Variants in KIF7 observed in about 807,000 individuals in gnomAD.
KIF7 encodes kinesin-like protein KIF7.
KIF7 carries 104 observed loss-of-function variants against 135.7 expected under a neutral mutation model. The ratio of observed to expected loss-of-function variants is 0.77; its 90% CI spans 0.65 to 0.90. The LOEUF (loss-of-function observed/expected upper bound fraction) is 0.90, where lower values mean the gene tolerates loss of function less well. Among genes scored for constraint, KIF7 ranks in the 40% least tolerant of loss-of-function variants. The pLI, the probability that KIF7 is intolerant of heterozygous loss-of-function variation, is 0.00. For synonymous variants in KIF7, 883 were observed against 809.4 expected, an observed-to-expected ratio of 1.09 and a Z score of -1.54; for missense variants, 2,005 against 1,839.1, an observed-to-expected ratio of 1.09 and a Z score of -1.65.
At chr15:89,625,263 C>T (rs952304089), downstream of KIF7, 3 of 1,613,328 alleles carry the variant, frequency 1.9e-6, no homozygotes, top group South Asian at 1.1e-5. Flanking sequence ...CCCCCACCCA[C>T]GGCCCTTCTA....
intron 16 of KIF7, 33 bp downstream of exon 16, chr15:89,630,254 G>C: frequency 6.2e-7 from 1 of 1,603,652 alleles, no homozygotes; most frequent in Non-Finnish European, 8.5e-7. Context: ...TGCCGCTGAG[G>C]AGGAGCTGGG....
chr15:89,653,140 T>C (rs564349008), intron 1 of KIF7, among the ~76,000 whole-genome samples, 186 bp from the exon 2 acceptor site: 6 of 152,308 alleles, frequency 3.9e-5, no homozygotes, highest in South Asian at 2.1e-4. Context: ...ATGATATATA[T>C]AGTCCCCCAC....
chr15:89,632,435 A>G (rs1464970023), intron 14 of KIF7, among the ~76,000 whole-genome samples: 1 of 152,190 alleles, frequency 6.6e-6, no homozygotes, highest in Non-Finnish European at 1.5e-5. Flanking sequence ...CTTCCTGCAC[A>G]GGCCCTGAGG....
In KIF7 at chr15:89,628,686, A is replaced by G. The variant is rs1596063995; in HGVS notation, c.3765T>C (p.Thr1255=). The part of the protein sequence containing the change: ...APELLWLSPL[T]EGAPRTREET... ...CCTCCCGGGTGCGGGGGGCCCCCTC[A>G]GTGAGGGGGGACAGCCAGAGAAGCT... The change falls in exon 19 of 19, where the codon ACT becomes ACC. Residue 1255 remains threonine, a synonymous_variant. Transcript: ENST00000394412. 6.2e-7 allele frequency: 1 copy of G among 1,612,742 alleles called. No individual in the cohort carries two copies. Among genetic ancestry groups the G allele is most frequent in the South Asian group, 1.1e-5 (1 of 91,086 alleles).
At chr15:89,631,099 A>T (rs972111958) in intron 15 of KIF7, 1 of 247,930 alleles carries the variant, frequency 4.0e-6, no homozygotes, top group Non-Finnish European at 7.9e-6. Context: ...AATGTCACAC[A>T]GCACATGACT....
downstream of KIF7, chr15:89,625,806 C>T (rs760747262): frequency 2.5e-6 from 4 of 1,581,628 alleles, no homozygotes; most frequent in East Asian, 9.0e-5. Flanking sequence ...TTTTTGAAAC[C>T]CAGTTTCCTC....
At chr15:89,635,654 C>A (rs1290768467) in intron 11 of KIF7, among the ~76,000 whole-genome samples, 1 of 152,114 alleles carries the variant, frequency 6.6e-6, no homozygotes. Flanking sequence ...ATGAGCAAAG[C>A]CTCCAAGAAA....
intron 11 of KIF7, among the ~76,000 whole-genome samples, chr15:89,641,357 CTA>C (rs1167845845): frequency 6.6e-6 from 1 of 152,164 alleles, no homozygotes; most frequent in Admixed American, 6.5e-5. Flanking sequence ...CTGGGAGAAA[CTA>C]AACTTCTGCT....
downstream of KIF7, chr15:89,624,400 C>G: frequency 6.2e-7 from 1 of 1,614,226 alleles, no homozygotes; most frequent in Non-Finnish European, 8.5e-7. Flanking sequence ...TCCCCCTGAA[C>G]TCTCACAGAG....
chr15:89,618,128 T>C (rs1444681208), exon 2 of KIF7: 2 of 1,610,332 alleles, frequency 1.2e-6, no homozygotes, highest in Admixed American at 1.7e-5. Flanking sequence ...TATGGAGTAA[T>C]CCTTGTGCAT....
At chr15:89,646,098 A>C (rs929909568) in intron 7 of KIF7, 72 bp from the exon 8 acceptor site, 22 of 1,577,228 alleles carry the variant, frequency 1.4e-5, no homozygotes, top group Non-Finnish European at 1.8e-5. Context: ...TGCCCTCCTC[A>C]TATCTCTCCC....
In KIF7 at chr15:89,633,874, C is replaced by T; in HGVS notation, c.2404G>A (p.Glu802Lys). The T allele has an allele frequency of 6.2e-7, 1 of 1,613,798 alleles. No homozygotes were observed. The highest frequency in any genetic ancestry group is 2.2e-5 in the East Asian group (1 of 44,874). Reference protein sequence around the residue: ...AAQSQVQVLKEKKQATERLVS... With the variant: ...AAQSQVQVLKKKKQATERLVS... Reference sequence around the variant, plus strand: ...AGCCGCTCCGTAGCCTGCTTCTTCTCCTTCAGCACCTGGGACCCACACAGT... The same window carrying T: ...AGCCGCTCCGTAGCCTGCTTCTTCTTCTTCAGCACCTGGGACCCACACAGT... The change falls in exon 12 of 19, where the codon GAG becomes AAG. Residue 802 changes from glutamate to lysine, a missense_variant. Glu to Lys is a moderately conservative substitution (Grantham distance 56). Transcript: ENST00000394412.
chr15:89,627,112 A>G (rs1963544669), downstream of KIF7: 2 of 1,613,184 alleles, frequency 1.2e-6, no homozygotes, highest in Non-Finnish European at 1.7e-6. Context: ...AGCCCAAAAG[A>G]TCAAGGAGTC....
In KIF7 at chr15:89,628,691, G is replaced by A. The variant is rs528407611; in HGVS notation, c.3760C>T (p.Leu1254Phe). The change falls in exon 19 of 19, where the codon CTC (leucine) becomes TTC (phenylalanine). Residue 1254 changes from leucine (L) to phenylalanine (F), a missense_variant. Leu to Phe is a conservative substitution (Grantham distance 22). Transcript: ENST00000394412. ...CGGGTGCGGGGGGCCCCCTCAGTGA[G>A]GGGGGACAGCCAGAGAAGCTCGGGT... ...LAPELLWLSP[L>F]TEGAPRTREE... 6 of 1,613,028 alleles carry A rather than the reference G, an allele frequency of 3.7e-6. No homozygotes were observed. Among genetic ancestry groups the A allele is most frequent in the Non-Finnish European group, 5.1e-6 (6 of 1,179,900 alleles).
At chr15:89,629,771 C>T in intron 16 of KIF7, 198 bp from the exon 17 acceptor site, 1 of 663,694 alleles carries the variant, frequency 1.5e-6, no homozygotes, top group East Asian at 2.7e-5. Context: ...AGCTGGCTCT[C>T]ACCTTATCTG....
chr15:89,623,707 T>C, downstream of KIF7: 3 of 1,614,050 alleles, frequency 1.9e-6, no homozygotes, highest in Non-Finnish European at 2.5e-6. Context: ...AACTCCGTTG[T>C]ATACTCCAGA....
intron 1 of KIF7, among the ~76,000 whole-genome samples, chr15:89,619,305 A>G (rs1963386300): frequency 1.5e-5 from 2 of 137,166 alleles, no homozygotes; most frequent in Admixed American, 8.4e-5. Context: ...CGCTCACTGC[A>G]ACCTCCACCT....
chr15:89,629,766 G>C, intron 16 of KIF7, 193 bp from the exon 17 acceptor site: 1 of 682,512 alleles, frequency 1.5e-6, no homozygotes, highest in Non-Finnish European at 2.5e-6. Context: ...ATCAGAGCTG[G>C]CTCTCACCTT....
In KIF7 at chr15:89,649,295, G is replaced by C; in HGVS notation, c.602C>G (p.Ala201Gly). 1 of 1,495,954 alleles carries C rather than the reference G, an allele frequency of 6.7e-7. No homozygotes were observed. Among genetic ancestry groups the C allele is most frequent in the Non-Finnish European group, 8.9e-7 (1 of 1,117,650 alleles). 92.7% of individuals were successfully genotyped at this position (1,495,954 alleles called of 1,614,324 possible). A position where few individuals can be genotyped will look rare whatever the true frequency, so the allele number is the denominator to read the frequency against. Residue 201 changes from alanine (A) to glycine (G), a missense_variant, in exon 4 of 19, where the codon GCG becomes GGG. Physicochemically the swap from Ala to Gly is moderately conservative, Grantham distance 60 (BLOSUM62 0). Coordinates refer to ENST00000394412, the MANE Select transcript of KIF7 (RefSeq NM_198525.3). ...EVLSLLEMGN[A>G]ARHTGATHLN... is the part of the protein sequence containing the mutation. ...GTGCGTGGCTCCCGTGTGCCGCGCC[G>C]CGTTGCCCATCTCCAGGAGGCTCAG...
Sources: allele counts gnomAD v4.1 joint callset (sites outside exome capture counted in the v4.1 genomes callset), GRCh38; gene constraint gnomAD v4.1.1; transcripts MANE v1.5; gene names NCBI Gene and HGNC (gene_info 2026-07-23, HGNC 2026-07-21).